MTFMT: variants seen among roughly 807,000 people sequenced by gnomAD.
MTFMT encodes mitochondrial methionyl-tRNA formyltransferase.
A neutral mutation model predicts 51.8 loss-of-function variants in MTFMT; 47 were observed. The observed-to-expected ratio is 0.91, with a 90% CI of 0.72 to 1.16. MTFMT has a LOEUF of 1.16. MTFMT is among the 50% of genes most tolerant of loss of function. The pLI, the probability that MTFMT is intolerant of heterozygous loss-of-function variation, is 0.00. For missense variants in MTFMT, 512 were observed against 482.3 expected (o/e 1.06, Z -0.58); for synonymous variants, 196 against 176.7 (o/e 1.11, Z -0.87).
In MTFMT at chr15:65,003,322, A is replaced by G. The variant is rs1163141191; in HGVS notation, c.976-66T>C. ...AAAACTAAAAAGCCAAGTAAATATT[A>G]GTTTATAAAATTTTTATCATGGAAA... On this transcript the variant is annotated intron_variant, in intron 8 of 8. Transcript: ENST00000220058. 5.5e-6 allele frequency: 7 copies of G among 1,262,124 alleles called. No individual in the cohort carries two copies. In the African/African-American group the frequency reaches 1.1e-4, roughly 19 times the overall value. The allele number at this position is 1,262,124 out of a possible 1,614,324, so 78.2% of individuals were successfully genotyped here. A position where few individuals can be genotyped will look rare whatever the true frequency, so the allele number is the denominator to read the frequency against.
At chr15:65,013,441 C>T (rs143253415) in intron 6 of MTFMT, among the ~76,000 whole-genome samples, 472 of 152,236 alleles carry the variant, frequency 3.1e-3, no homozygotes, top group African/African-American at 0.011. Flanking sequence ...ATGTTAGTTA[C>T]AGGGTCTTCA....
intron 6 of MTFMT, among the ~76,000 whole-genome samples, chr15:65,008,928 G>GT (rs1397622648): frequency 6.6e-6 from 1 of 151,374 alleles, no homozygotes; most frequent in Non-Finnish European, 1.5e-5. Context: ...TCTTCGGGAG[G>GT]TAAAGCTCAC....
intron 6 of MTFMT, among the ~76,000 whole-genome samples, chr15:65,010,795 C>A (rs1021820761): frequency 2.0e-5 from 3 of 152,194 alleles, no homozygotes; most frequent in Non-Finnish European, 4.4e-5. Context: ...GTTTTCCACA[C>A]AGGTTGCACC....
chr15:65,004,850 A>T lies in MTFMT; in HGVS notation c.975+4T>A. 6.4e-7 allele frequency: 1 copy of T among 1,574,082 alleles called. No homozygotes were observed. Among genetic ancestry groups the T allele is most frequent in the Non-Finnish European group, 8.7e-7 (1 of 1,149,464 alleles). The stretch of plus-strand genomic sequence containing the variant: ...TGATAACTTGAAACTAATGAAAAAC[A>T]TACCTTGCAATAAACCAATAGTATT... On this transcript the variant is annotated splice_donor_region_variant and intron_variant, in intron 8 of 8. Coordinates refer to ENST00000220058, the MANE Select transcript of MTFMT (RefSeq NM_139242.4).
At position 65,027,038 on chromosome 15, in the gene MTFMT, T is replaced by G. The variant is rs1444613575; in HGVS notation, c.212A>C (p.Glu71Ala). 6.2e-7 allele frequency: 1 copy of G among 1,612,062 alleles called. No individual in the cohort carries two copies. The highest frequency in any genetic ancestry group is 8.5e-7 in the Non-Finnish European group (1 of 1,178,770). Residue 71 changes from glutamate (E) to alanine (A), a missense_variant and splice_region_variant, in exon 2 of 9, where the codon GAA (glutamate) becomes GCA (alanine). By Grantham distance (107) the Glu-to-Ala change is moderately radical (BLOSUM62 -1). Transcript: ENST00000220058. ...EALRALHAARENKEEELIDKL... is the reference protein window; with the variant it reads ...EALRALHAARANKEEELIDKL... Reference sequence around the variant, plus strand: ...GTCGATTAACTCTTCTTCTTTGTTTTCCCTAAATTAGATAGGAAGAAAAAT... The same window carrying G: ...GTCGATTAACTCTTCTTCTTTGTTTGCCCTAAATTAGATAGGAAGAAAAAT...
rs1566943457 is a variant in MTFMT at position 65,021,604 on chromosome 15, G to A, written c.555C>T (p.Gly185=). The A allele has an allele frequency of 6.3e-7, 1 of 1,577,400 alleles. No homozygotes were observed. Among genetic ancestry groups the A allele is most frequent in the Non-Finnish European group, 8.7e-7 (1 of 1,153,718 alleles). ...GAACAGTTTCTTGTTTGAGAATTGG[G>A]CCTACATCAAACCTAGCAAAAAATC... The part of the protein sequence containing the change: ...MQIRPKRFDV[G]PILKQETVPV... Residue 185 remains glycine (G), a synonymous_variant, in exon 4 of 9, where the codon GGC becomes GGT. Transcript: ENST00000220058.
At chr15:65,024,711 C>T (rs1435365885) in intron 2 of MTFMT, among the ~76,000 whole-genome samples, 1 of 151,936 alleles carries the variant, frequency 6.6e-6, no homozygotes, top group African/African-American at 2.4e-5. Context: ...AAATCCTGCC[C>T]TCAGAGAGTT....
chr15:65,003,069 A>C lies in MTFMT; in HGVS notation c.1163T>G (p.Ile388Ser), dbSNP rs766439529. The C allele has an allele frequency of 2.5e-6, 4 of 1,586,422 alleles. No homozygotes were observed. The highest frequency in any genetic ancestry group is 3.4e-6 in the Non-Finnish European group (4 of 1,165,134). ...QKKTVAMQQCIE is the reference protein window; with the variant it reads ...QKKTVAMQQCSE ...TATCCATCTTCTTCCTAACTACTCA[A>C]TGCATTGTTGCATAGCAACAGTTTT... Residue 388 changes from isoleucine to serine, a missense_variant, in exon 9 of 9, where the codon ATT becomes AGT. Transcript: ENST00000220058.
At position 65,023,657 on chromosome 15, in the gene MTFMT, G is replaced by A; in HGVS notation, c.542+15C>T. The A allele has an allele frequency of 6.2e-7, 1 of 1,611,536 alleles. No homozygotes were observed. Among genetic ancestry groups the A allele is most frequent in the South Asian group, 1.1e-5 (1 of 90,876 alleles). ...AAAAATCACAAAAATCTCAAGAAAGGAAAATATGTGCTACCTTTTAGGTCT... is the reference window on the plus strand; with the variant it reads ...AAAAATCACAAAAATCTCAAGAAAGAAAAATATGTGCTACCTTTTAGGTCT... On this transcript the variant is annotated intron_variant, in intron 3 of 8. Coordinates refer to ENST00000220058, the MANE Select transcript of MTFMT (RefSeq NM_139242.4).
intron 2 of MTFMT, among the ~76,000 whole-genome samples, chr15:65,025,922 TA>T (rs1321938204): frequency 6.6e-6 from 1 of 152,070 alleles, no homozygotes. Flanking sequence ...ATGCCACAAA[TA>T]AAATGTTCTT....
At chr15:65,025,203 T>C (rs868683289) in intron 2 of MTFMT, among the ~76,000 whole-genome samples, 2 of 142,034 alleles carry the variant, frequency 1.4e-5, no homozygotes, top group Admixed American at 7.7e-5. Flanking sequence ...GGGACCAGGT[T>C]GGGCCACATA....
chr15:65,016,207 T>C, intron 6 of MTFMT: 1 of 303,246 alleles, frequency 3.3e-6, no homozygotes, highest in East Asian at 6.2e-5. Flanking sequence ...AACTGCAATA[T>C]ACATATATTT....
intron 1 of MTFMT, 121 bp downstream of exon 1, chr15:65,029,284 C>T: frequency 1.5e-6 from 2 of 1,322,026 alleles, no homozygotes; most frequent in Non-Finnish European, 1.9e-6. Flanking sequence ...GAGATCTGGG[C>T]CCACACCGCT....
intron 6 of MTFMT, among the ~76,000 whole-genome samples, chr15:65,007,921 A>G (rs930185883): frequency 3.9e-5 from 6 of 151,908 alleles, no homozygotes; most frequent in African/African-American, 9.7e-5. Flanking sequence ...TCCATGCATA[A>G]GTTTTTTATT....
chr15:65,029,630 G>A lies in MTFMT; in HGVS notation c.-17C>T. 4 of 1,380,646 alleles carry A rather than the reference G, an allele frequency of 2.9e-6. No individual in the cohort carries two copies. The highest frequency in any genetic ancestry group is 3.8e-6 in the Non-Finnish European group (4 of 1,065,840). The allele number at this position is 1,380,646 out of a possible 1,614,324, so 85.5% of individuals were successfully genotyped here. Reference sequence around the variant, plus strand: ...CACCCTCATCGCCTCGGCCGCCGGCGGCCGGCCCTGCGCAGGCGCATCGGG... The same window carrying A: ...CACCCTCATCGCCTCGGCCGCCGGCAGCCGGCCCTGCGCAGGCGCATCGGG... On this transcript the variant is annotated 5_prime_UTR_variant, in exon 1 of 9. Coordinates refer to ENST00000220058, the MANE Select transcript of MTFMT (RefSeq NM_139242.4).
chr15:65,019,543 A>T (rs1283942249), intron 5 of MTFMT, among the ~76,000 whole-genome samples: 1 of 152,212 alleles, frequency 6.6e-6, no homozygotes, highest in Admixed American at 6.5e-5. Context: ...TATAGGAAAT[A>T]TAAGAGATAG....
chr15:65,022,340 C>G (rs1435683518), intron 3 of MTFMT, among the ~76,000 whole-genome samples: 1 of 151,942 alleles, frequency 6.6e-6, no homozygotes, highest in Non-Finnish European at 1.5e-5. Flanking sequence ...GTAGTCCTAG[C>G]TATTCGGGAG....
chr15:65,003,330 A>C, intron 8 of MTFMT, 74 bp from the exon 9 acceptor site: 1 of 1,190,428 alleles, frequency 8.4e-7, no homozygotes, highest in Non-Finnish European at 1.2e-6. Flanking sequence ...TTAGTTTATA[A>C]AATTTTTATC....
intron 1 of MTFMT, among the ~76,000 whole-genome samples, chr15:65,027,659 G>A (rs1388795884): frequency 1.3e-5 from 2 of 152,190 alleles, no homozygotes; most frequent in Non-Finnish European, 1.5e-5. Context: ...ATACTGCTTT[G>A]CATTTTTTTT....
Sources: allele counts gnomAD v4.1 joint callset (sites outside exome capture counted in the v4.1 genomes callset), GRCh38; gene constraint gnomAD v4.1.1; transcripts MANE v1.5; gene names NCBI Gene and HGNC (gene_info 2026-07-23, HGNC 2026-07-21).